Variants in IFIT5 observed in about 807,000 individuals in gnomAD.
IFIT5 encodes the protein interferon induced protein with tetratricopeptide repeats 5.
A neutral mutation model predicts 5.0 loss-of-function variants in IFIT5; 2 were observed. The observed-to-expected ratio is 0.40, with a 90% CI of 0.16 to 1.26. The LOEUF (loss-of-function observed/expected upper bound fraction) is 1.26, where lower values mean the gene tolerates loss of function less well. Ranked by LOEUF, IFIT5 falls within the 50% of genes most tolerant of loss-of-function variation. The pLI, the probability that IFIT5 is intolerant of heterozygous loss-of-function variation, is 0.33. For missense variants in IFIT5, 524 were observed against 563.2 expected (o/e 0.93, Z 0.70); for synonymous variants, 206 against 204.6 (o/e 1.01, Z -0.06).
rs778504785 is a variant in IFIT5 at position 89,420,005 on chromosome 10, T to A, written c.*1357T>A. The A allele has an allele frequency of 9.8e-5, 14 of 142,404 alleles. No individual in the cohort carries two copies. The highest frequency in any genetic ancestry group is 1.8e-4 in the Non-Finnish European group (12 of 66,584). The allele number at this position is 142,404 out of a possible 1,614,324, so 8.8% of individuals were successfully genotyped here. ...TATGGTTTGATTATTATAAAAATAA[T>A]GAATTCTCACTGTAAATTTCAAAAA... On this transcript the variant is annotated 3_prime_UTR_variant, in exon 2 of 2. Transcript: ENST00000371795.
At chr10:89,415,370 C>T (rs1006144699) in intron 1 of IFIT5, among the ~76,000 whole-genome samples, 9 of 152,192 alleles carry the variant, frequency 5.9e-5, no homozygotes, top group Admixed American at 1.3e-4. Context: ...CTCGGTGTGG[C>T]ATACGCGGTT....
intron 1 of IFIT5, among the ~76,000 whole-genome samples, 154 bp downstream of exon 1, chr10:89,414,957 C>T (rs1304781964): frequency 6.6e-6 from 1 of 152,196 alleles, no homozygotes; most frequent in Non-Finnish European, 1.5e-5. Context: ...GGGACCCTCC[C>T]CGGGCGCTCT....
Position 89,418,372 on chromosome 10 carries a change from A to T in IFIT5, c.1173A>T (p.Lys391Asn). 1 of 1,614,226 alleles carries T rather than the reference A, an allele frequency of 6.2e-7. No homozygotes were observed. Among genetic ancestry groups the T allele is most frequent in the Non-Finnish European group, 8.5e-7 (1 of 1,180,032 alleles). Residue 391 changes from lysine to asparagine, a missense_variant, in exon 2 of 2, where the codon AAA (lysine) becomes AAT (asparagine). Physicochemically the swap from Lys to Asn is moderately conservative, Grantham distance 94. Coordinates refer to ENST00000371795, the MANE Select transcript of IFIT5 (RefSeq NM_012420.3). The stretch of plus-strand genomic sequence containing the variant: ...GCCGCTTTCAGGAATTTCACCGTAA[A>T]TCAGAAAATACTGCCATCCATCATT... Reference protein sequence around the residue: ...HYGRFQEFHRKSENTAIHHYL... With the variant: ...HYGRFQEFHRNSENTAIHHYL...
rs1445040370 is a variant in IFIT5, at chr10:89,418,534, C to T, written c.1335C>T (p.Tyr445=). ...VQSLSALGFV[Y]KLEGEKRQAA... is the part of the protein sequence containing the mutation. ...GTTTAAGTGCCCTAGGGTTTGTTTA[C>T]AAGCTGGAAGGAGAAAAGAGGCAAG... Residue 445 remains tyrosine, a synonymous_variant, in exon 2 of 2, where the codon TAC becomes TAT. Transcript: ENST00000371795. The T allele has an allele frequency of 1.9e-6, 3 of 1,614,114 alleles. No homozygotes were observed. Among genetic ancestry groups the T allele is most frequent in the South Asian group, 2.2e-5 (2 of 91,080 alleles).
chr10:89,416,675 G>C (rs950465959), intron 1 of IFIT5, among the ~76,000 whole-genome samples: 5 of 152,308 alleles, frequency 3.3e-5, no homozygotes, highest in African/African-American at 9.6e-5. Flanking sequence ...GGCTGGGCTG[G>C]TAGAGACCTT....
Position 89,418,731 on chromosome 10 carries a change from C to T in IFIT5, c.*83C>T. On this transcript the variant is annotated 3_prime_UTR_variant, in exon 2 of 2. Coordinates refer to ENST00000371795, the MANE Select transcript of IFIT5 (RefSeq NM_012420.3). ...TGTTTTTTTTTTATTATTTTAATCC[C>T]TTGTTTATTATAGAGCTAATATTTA... 1 of 1,355,678 alleles carries T rather than the reference C, an allele frequency of 7.4e-7. No homozygotes were observed. The allele number at this position is 1,355,678 out of a possible 1,614,324, so 84.0% of individuals were successfully genotyped here.
At chr10:89,415,526 G>A (rs1283130400) in intron 1 of IFIT5, among the ~76,000 whole-genome samples, 2 of 152,202 alleles carry the variant, frequency 1.3e-5, no homozygotes, top group East Asian at 1.9e-4. Flanking sequence ...GTTTTATGAG[G>A]ATTTCTTTAT....
At chr10:89,416,272 A>G (rs1273550836) in intron 1 of IFIT5, among the ~76,000 whole-genome samples, 4 of 118,540 alleles carry the variant, frequency 3.4e-5, no homozygotes, top group Non-Finnish European at 5.3e-5. Flanking sequence ...GGGGCTTGAC[A>G]ACAACAACAA....
At chr10:89,416,303 CAA>C (rs869064446) in intron 1 of IFIT5, among the ~76,000 whole-genome samples, 2 of 141,214 alleles carry the variant, frequency 1.4e-5, no homozygotes, top group African/African-American at 2.7e-5. Flanking sequence ...ACAACAACAA[CAA>C]AAAACAGAAA....
At position 89,420,144 on chromosome 10, in the gene IFIT5, C is replaced by A. The variant is rs1389158155; in HGVS notation, c.*1496C>A. ...TAATTTGATATGTAAACTTCCAGAT[C>A]TTTTTTCTATGCGTAATCAGACATA... On this transcript the variant is annotated 3_prime_UTR_variant, in exon 2 of 2. Transcript: ENST00000371795. 1 of 152,122 alleles carries A rather than the reference C, an allele frequency of 6.6e-6. No homozygotes were observed. The allele number at this position is 152,122 out of a possible 1,614,324, so 9.4% of individuals were successfully genotyped here.
chr10:89,416,057 G>T (rs1433832956), intron 1 of IFIT5, among the ~76,000 whole-genome samples: 1 of 152,154 alleles, frequency 6.6e-6, no homozygotes, highest in Non-Finnish European at 1.5e-5. Context: ...CGTGTAGCTG[G>T]GATTACAGGC....
At position 89,417,552 on chromosome 10, in the gene IFIT5, G is replaced by C; in HGVS notation, c.353G>C (p.Gly118Ala). ...CTTGAAGAAGCTCAGAAGTATACAG[G>C]TAAGATAGGGAATGTCTGTAAGAAA... ...DQLEEAQKYT[G>A]KIGNVCKKLS... Residue 118 changes from glycine to alanine, a missense_variant, in exon 2 of 2, where the codon GGT (glycine) becomes GCT (alanine). Coordinates refer to ENST00000371795, the MANE Select transcript of IFIT5 (RefSeq NM_012420.3). 1.2e-6 allele frequency: 2 copies of C among 1,614,228 alleles called. No individual in the cohort carries two copies.
At position 89,418,082 on chromosome 10, in the gene IFIT5, G is replaced by T; in HGVS notation, c.883G>T (p.Ala295Ser). ...TCACCAGATGGGACTTTGCTACAGG[G>T]CACAAATGATCCAAATCAAGAAGGC... Reference protein sequence around the residue: ...LHHQMGLCYRAQMIQIKKATH... With the variant: ...LHHQMGLCYRSQMIQIKKATH... Residue 295 changes from alanine to serine, a missense_variant, in exon 2 of 2, where the codon GCA (alanine) becomes TCA (serine). Physicochemically the swap from Ala to Ser is moderately conservative, Grantham distance 99. Coordinates refer to ENST00000371795, the MANE Select transcript of IFIT5 (RefSeq NM_012420.3). The T allele has an allele frequency of 6.2e-7, 1 of 1,614,126 alleles. No individual in the cohort carries two copies. The highest frequency in any genetic ancestry group is 1.3e-5 in the African/African-American group (1 of 75,022).
In IFIT5 at chr10:89,417,274, T is replaced by C; in HGVS notation, c.75T>C (p.Leu25=). The C allele has an allele frequency of 6.2e-7, 1 of 1,613,966 alleles. No individual in the cohort carries two copies. ...ELECHFTWNL[L]KEDIDLFEVE... ...AATGTCATTTTACATGGAATTTACT[T>C]AAGGAAGACATTGATCTGTTTGAGG... The change falls in exon 2 of 2, where the codon CTT becomes CTC. Residue 25 remains leucine, a synonymous_variant. Transcript: ENST00000371795.
rs974653818 is a variant in IFIT5 at position 89,414,687 on chromosome 10, GCGCGCA to G, written c.-96_-91del. On this transcript the variant is annotated 5_prime_UTR_variant, in exon 1 of 2. Transcript: ENST00000371795. The stretch of plus-strand genomic sequence containing the variant: ...AGTCCAGGGGCTGCAGAGGCCTGGC[GCGCGCA>G]CGCGCACGCGCACGCCCACCGCGCG... 2.9e-5 allele frequency: 39 copies of G among 1,349,938 alleles called. No homozygotes were observed. Among genetic ancestry groups the G allele is most frequent in the South Asian group, 1.3e-4 (9 of 68,998 alleles). 83.6% of individuals were successfully genotyped at this position (1,349,938 alleles called of 1,614,324 possible).
Position 89,417,845 on chromosome 10 carries a change from T to G in IFIT5, c.646T>G (p.Tyr216Asp), listed in dbSNP as rs1288778642. 6.2e-7 allele frequency: 1 copy of G among 1,614,208 alleles called. No individual in the cohort carries two copies. ...KAVTLNPDNS[Y>D]IKVFLALKLQ... ...TGTTACCCTGAACCCAGATAACAGCTATATTAAGGTTTTTCTGGCACTGAA... is the reference window on the plus strand; with the variant it reads ...TGTTACCCTGAACCCAGATAACAGCGATATTAAGGTTTTTCTGGCACTGAA... Residue 216 changes from tyrosine to aspartate, a missense_variant, in exon 2 of 2, where the codon TAT (tyrosine) becomes GAT (aspartate). Tyr to Asp is a radical substitution (Grantham distance 160, BLOSUM62 -3). Coordinates refer to ENST00000371795, the MANE Select transcript of IFIT5 (RefSeq NM_012420.3).
intron 1 of IFIT5, among the ~76,000 whole-genome samples, chr10:89,415,886 A>G (rs2133651511): frequency 6.6e-6 from 1 of 152,250 alleles, no homozygotes; most frequent in South Asian, 2.1e-4. Flanking sequence ...AATTATTCCC[A>G]TTATAAGTTT....
Position 89,414,610 on chromosome 10 carries a change from G to C in IFIT5, c.-189G>C, listed in dbSNP as rs1173786801. The C allele has an allele frequency of 3.9e-6, 2 of 512,808 alleles. No individual in the cohort carries two copies. The highest frequency in any genetic ancestry group is 6.7e-6 in the Non-Finnish European group (2 of 300,506). The allele number at this position is 512,808 out of a possible 1,614,324, so 31.8% of individuals were successfully genotyped here. On this transcript the variant is annotated 5_prime_UTR_variant, in exon 1 of 2. Transcript: ENST00000371795. ...CATCTGATTCAATCTCCAGTTTCCT[G>C]TTCTTGCTGGGGCTGGGGTCTCTCC...
At position 89,414,661 on chromosome 10, in the gene IFIT5, G is replaced by A. The variant is rs913189161; in HGVS notation, c.-138G>A. On this transcript the variant is annotated 5_prime_UTR_variant, in exon 1 of 2. Coordinates refer to ENST00000371795, the MANE Select transcript of IFIT5 (RefSeq NM_012420.3). ...TTTAACAAAGACACGCCGCGCGGCC[G>A]AGTCCAGGGGCTGCAGAGGCCTGGC... The A allele has an allele frequency of 1.4e-5, 13 of 924,894 alleles. No individual in the cohort carries two copies. Among genetic ancestry groups the A allele is most frequent in the South Asian group, 2.0e-5 (1 of 50,748 alleles). The allele number at this position is 924,894 out of a possible 1,614,324, so 57.3% of individuals were successfully genotyped here. A position where few individuals can be genotyped will look rare whatever the true frequency, so the allele number is the denominator to read the frequency against.
Sources: allele counts gnomAD v4.1 joint callset (sites outside exome capture counted in the v4.1 genomes callset), GRCh38; gene constraint gnomAD v4.1.1; transcripts MANE v1.5; gene names NCBI Gene and HGNC (gene_info 2026-07-23, HGNC 2026-07-21).